Variants in PHF20 observed in about 807,000 individuals in gnomAD.
The protein encoded by PHF20 is PHD finger protein 20.
In PHF20, 23 loss-of-function variants were observed where a neutral mutation model predicts 113.5. The ratio of observed to expected loss-of-function variants is 0.20; its 90% confidence interval spans 0.15 to 0.29. PHF20 has a LOEUF of 0.29. PHF20 is among the 10% of genes least tolerant of loss of function. PHF20 has a pLI of 1.00. For missense variants in PHF20, 943 were observed against 1,219.6 expected (o/e 0.77, Z 3.38); for synonymous variants, 434 against 457.3 (o/e 0.95, Z 0.65).
chr20:35,930,772 G>A (rs1467888463), intron 14 of PHF20, among the ~76,000 whole-genome samples: 2 of 152,220 alleles, frequency 1.3e-5, no homozygotes, highest in Admixed American at 6.5e-5. Flanking sequence ...GGATGCGCAA[G>A]TGAAGGTCTT....
Position 35,941,030 on chromosome 20 carries a change from T to C in PHF20, c.2879T>C (p.Ile960Thr), listed in dbSNP as rs746071764. The C allele has an allele frequency of 2.5e-6, 4 of 1,613,580 alleles. No individual in the cohort carries two copies. The highest frequency in any genetic ancestry group is 2.5e-6 in the Non-Finnish European group (3 of 1,179,728). The change falls in exon 17 of 18, where the codon ATT (isoleucine) becomes ACT (threonine). Residue 960 changes from isoleucine (I) to threonine (T), a missense_variant. This residue lies in a region of PHF20 where 349 missense variants were observed against 412.3 expected (regional missense o/e 0.85). Transcript: ENST00000374012. ...GAAGTTACGCACAGGATGGACTCCA[T>C]TGAGAAGGAGTTGGATGGTAGGGCT... ...QDEVTHRMDS[I>T]EKELDVLESW...
In PHF20 at chr20:35,873,551, G is replaced by A. The variant is rs1048687433; in HGVS notation, c.1282+1722G>A. On this transcript the variant is annotated intron_variant, in intron 9 of 17. Coordinates refer to ENST00000374012, the MANE Select transcript of PHF20 (RefSeq NM_016436.5). ...TGGTGCGATTTCTGCTCACTGCAAC[G>A]TCTGCCTCCCGGGTTGAAGCGATTC... 4.1e-5 allele frequency among the ~76,000 whole-genome samples: 6 copies of A among 145,174 alleles called. No homozygotes were observed. The East Asian group carries it at 8.1e-4, about 20-fold the overall frequency.
rs113885643 is a variant in PHF20 at position 35,903,266 on chromosome 20, A to G, written c.1561+3618A>G. Among the ~76,000 whole-genome samples, 16 of 152,098 alleles carry G rather than the reference A, an allele frequency of 1.1e-4. 1 individual carries two copies. The highest frequency in any genetic ancestry group is 3.6e-4 in the African/African-American group (15 of 41,478). On this transcript the variant is annotated intron_variant, in intron 10 of 17. Coordinates refer to ENST00000374012, the MANE Select transcript of PHF20 (RefSeq NM_016436.5). Reference sequence around the variant, plus strand: ...AGTTTTTAAAAATAAGGCCTGCTGTATACTCACTAGACTAGTAGGGTTGGA... The same window carrying G: ...AGTTTTTAAAAATAAGGCCTGCTGTGTACTCACTAGACTAGTAGGGTTGGA...
chr20:35,867,009 A>C (rs1329953750), intron 6 of PHF20, among the ~76,000 whole-genome samples: 5 of 152,160 alleles, frequency 3.3e-5, no homozygotes, highest in Non-Finnish European at 7.3e-5. Context: ...AATTGTTAAC[A>C]AGCTTCCCAG....
At chr20:35,941,139 G>GTC (rs2055971628) in intron 17 of PHF20, 92 bp downstream of exon 17, 9 of 990,970 alleles carry the variant, frequency 9.1e-6, no homozygotes, top group African/African-American at 1.6e-5. Context: ...TGAGTTTACA[G>GTC]GGACCGCTGT....
chr20:35,892,056 T>C (rs893635620), intron 9 of PHF20, among the ~76,000 whole-genome samples: 1 of 133,340 alleles, frequency 7.5e-6, no homozygotes, highest in African/African-American at 3.3e-5. Context: ...TTTTTTTTTG[T>C]TTTTTTGTTT....
At chr20:35,822,962 T>C (rs1296022050) in intron 2 of PHF20, among the ~76,000 whole-genome samples, 2 of 151,864 alleles carry the variant, frequency 1.3e-5, no homozygotes, top group South Asian at 4.1e-4. Context: ...TTTATTACAG[T>C]TGATGAACCA....
chr20:35,836,621 G>A (rs1192902730), intron 2 of PHF20, among the ~76,000 whole-genome samples: 4 of 151,536 alleles, frequency 2.6e-5, no homozygotes, highest in African/African-American at 9.7e-5. Context: ...GAGGCGGGCG[G>A]ATCACGAGGT....
chr20:35,834,059 A>AAAAT lies in PHF20; in HGVS notation c.84-8490_84-8487dup, dbSNP rs560040668. On this transcript the variant is annotated intron_variant, in intron 2 of 17. Coordinates refer to ENST00000374012, the MANE Select transcript of PHF20 (RefSeq NM_016436.5). ...GGCGACAGAGTGAGATTCCGTCTCAAAAATAAATAAATAAATAAATAAATA... is the reference window on the plus strand; with the variant it reads ...GGCGACAGAGTGAGATTCCGTCTCAAAAATAAATAAATAAATAAATAAATAAATA... Among the ~76,000 whole-genome samples, 909 of 148,352 alleles carry AAAAT rather than the reference A, an allele frequency of 6.1e-3. 12 individuals are homozygous for AAAAT. The highest frequency in any genetic ancestry group is 0.035 in the South Asian group (158 of 4,558).
intron 15 of PHF20, among the ~76,000 whole-genome samples, chr20:35,938,099 C>A (rs1042657968): frequency 6.6e-6 from 1 of 152,090 alleles, no homozygotes; most frequent in Non-Finnish European, 1.5e-5. Context: ...GTCTCGATCT[C>A]CTGACCTCGT....
intron 13 of PHF20, among the ~76,000 whole-genome samples, chr20:35,924,127 A>G (rs1429239165): frequency 6.6e-6 from 1 of 151,606 alleles, no homozygotes; most frequent in African/African-American, 2.4e-5. Flanking sequence ...TTGCTTTGCA[A>G]CCATCTCTTT....
intron 1 of PHF20, chr20:35,782,262 G>GTTTTTTTTTTTTTTT (rs11480471): frequency 1.4e-5 from 2 of 143,482 alleles, no homozygotes; most frequent in Admixed American, 7.1e-5. Flanking sequence ...TTCTTGTTTT[G>GTTTTTTTTTTTTTTT]TTTTTTTTTT....
At position 35,845,454 on chromosome 20, in the gene PHF20, C is replaced by T. The variant is rs576988599; in HGVS notation, c.256-1896C>T. ...AGTCTTGGCTTAATGTAGCCTTGAC[C>T]TCTTGGGCTCAAGCAATCCTCCTTC... On this transcript the variant is annotated intron_variant, in intron 3 of 17. Transcript: ENST00000374012. The T allele has an allele frequency of 1.1e-4, 40 of 347,932 alleles. 1 individual carries two copies. The highest frequency in any genetic ancestry group is 8.3e-4 in the South Asian group (39 of 46,722). The allele number at this position is 347,932 out of a possible 1,614,324, so 21.6% of individuals were successfully genotyped here.
At position 35,858,389 on chromosome 20, in the gene PHF20, A is replaced by G; in HGVS notation, c.420+8A>G. Reference sequence around the variant, plus strand: ...GCTTTTTCCAAAGATCAGGTGAGAAATGTGGTTTTGTGCTTTGTGTTATGA... The same window carrying G: ...GCTTTTTCCAAAGATCAGGTGAGAAGTGTGGTTTTGTGCTTTGTGTTATGA... On this transcript the variant is annotated splice_region_variant and intron_variant, in intron 5 of 17. Coordinates refer to ENST00000374012, the MANE Select transcript of PHF20 (RefSeq NM_016436.5). 6.6e-7 allele frequency: 1 copy of G among 1,523,482 alleles called. No homozygotes were observed. 94.4% of individuals were successfully genotyped at this position (1,523,482 alleles called of 1,614,324 possible). A position where few individuals can be genotyped will look rare whatever the true frequency, so the allele number is the denominator to read the frequency against.
At chr20:35,894,465 G>A (rs576077448) in intron 9 of PHF20, among the ~76,000 whole-genome samples, 10 of 152,304 alleles carry the variant, frequency 6.6e-5, no homozygotes, top group African/African-American at 9.6e-5. Context: ...AGGTAGACCT[G>A]GGATTAAATG....
intron 2 of PHF20, among the ~76,000 whole-genome samples, chr20:35,842,205 G>A (rs1484552768): frequency 1.3e-5 from 2 of 152,102 alleles, no homozygotes; most frequent in Non-Finnish European, 2.9e-5. Context: ...AATTAGCTGG[G>A]CATGGTGGCG....
chr20:35,797,528 G>A (rs1168879890), intron 1 of PHF20, among the ~76,000 whole-genome samples: 6 of 146,458 alleles, frequency 4.1e-5, no homozygotes, highest in East Asian at 2.0e-4. Flanking sequence ...AAAAAAAAAA[G>A]AAAAAAATAT....
intron 2 of PHF20, among the ~76,000 whole-genome samples, chr20:35,817,710 C>T (rs1055808882): frequency 3.3e-5 from 5 of 152,112 alleles, no homozygotes; most frequent in Admixed American, 1.3e-4. Context: ...GCTAGAGAAT[C>T]CTTTGAGCCC....
In PHF20 at chr20:35,785,010, C is replaced by T. The variant is rs184604024; in HGVS notation, c.-33+12931C>T. ...AGGTTGCAGTGAGCCAGGATCATGC[C>T]GCTTCACTCCAACCTGGGCCACAGA... On this transcript the variant is annotated intron_variant, in intron 1 of 17. Coordinates refer to ENST00000374012, the MANE Select transcript of PHF20 (RefSeq NM_016436.5). Among the ~76,000 whole-genome samples, 9 of 151,582 alleles carry T rather than the reference C, an allele frequency of 5.9e-5. No individual in the cohort carries two copies. In the East Asian group the frequency reaches 1.6e-3, roughly 26 times the overall value.
Sources: allele counts gnomAD v4.1 joint callset (sites outside exome capture counted in the v4.1 genomes callset), GRCh38; gene constraint gnomAD v4.1.1; regional missense constraint gnomAD v4.1.1; transcripts MANE v1.5; gene names NCBI Gene and HGNC (gene_info 2026-07-23, HGNC 2026-07-21).